CSMD1: variants seen among roughly 807,000 people sequenced by gnomAD.
CSMD1 encodes the protein CUB and Sushi multiple domains 1.
Under a neutral mutation model 417.5 loss-of-function variants are expected in CSMD1, and 213 were observed. That is an observed-to-expected ratio of 0.51 (90% CI 0.46 to 0.57). CSMD1 has a LOEUF of 0.57. CSMD1 is among the 20% of genes least tolerant of loss of function. The pLI is 0.00. For missense variants in CSMD1, 6,923 were observed against 4,529.7 expected (o/e 1.53, Z -15.17); for synonymous variants, 2,862 against 1,736.8 (o/e 1.65, Z -16.11).
intron 18 of CSMD1, among the ~76,000 whole-genome samples, chr8:3,375,858 G>C (rs1810272587): frequency 6.6e-6 from 1 of 152,080 alleles, no homozygotes; most frequent in Non-Finnish European, 1.5e-5. Flanking sequence ...CAATCCTCCA[G>C]ACCTCTTTTT....
chr8:4,312,311 G>T (rs1475711828), intron 3 of CSMD1, among the ~76,000 whole-genome samples: 1 of 150,322 alleles, frequency 6.7e-6, no homozygotes, highest in African/African-American at 2.5e-5. Context: ...TAACACACAT[G>T]ATCATACCTA....
chr8:2,952,324 C>G (rs73499045), intron 65 of CSMD1, among the ~76,000 whole-genome samples: 2 of 152,094 alleles, frequency 1.3e-5, no homozygotes, highest in Non-Finnish European at 2.9e-5. Context: ...ATAATGAGGA[C>G]AAAAGTATAT....
At chr8:3,573,740 A>G (rs1332363414) in intron 10 of CSMD1, among the ~76,000 whole-genome samples, 5 of 152,160 alleles carry the variant, frequency 3.3e-5, no homozygotes, top group African/African-American at 9.7e-5. Flanking sequence ...AAATGAAGAG[A>G]TGATCACTTA....
At chr8:3,636,646 C>T (rs562672854) in intron 7 of CSMD1, among the ~76,000 whole-genome samples, 61 of 152,278 alleles carry the variant, frequency 4.0e-4, no homozygotes, top group Non-Finnish European at 5.6e-4. Context: ...CAAATCATGA[C>T]GCAGAGATGC....
chr8:3,985,614 A>AC (rs1814263843), intron 5 of CSMD1, among the ~76,000 whole-genome samples: 1 of 152,178 alleles, frequency 6.6e-6, no homozygotes, highest in Admixed American at 6.5e-5. Flanking sequence ...CTAGTACAGG[A>AC]AGATCCTTGC....
intron 29 of CSMD1, among the ~76,000 whole-genome samples, chr8:3,215,741 T>G (rs949340831): frequency 6.6e-6 from 1 of 152,166 alleles, no homozygotes; most frequent in Non-Finnish European, 1.5e-5. Context: ...TGAAAAAGTG[T>G]ATAACCCTGC....
intron 4 of CSMD1, among the ~76,000 whole-genome samples, chr8:4,017,032 T>G (rs899355421): frequency 5.3e-5 from 8 of 152,114 alleles, no homozygotes; most frequent in Non-Finnish European, 1.2e-4. Context: ...AAGAGCCACA[T>G]CATAAAGGAA....
intron 9 of CSMD1, 37 bp from the exon 10 acceptor site, chr8:3,575,103 A>T (rs1434609748): frequency 1.2e-6 from 2 of 1,605,176 alleles, no homozygotes; most frequent in African/African-American, 1.3e-5. Flanking sequence ...TTTCTACAAC[A>T]TTGTGTCAGT....
At chr8:4,477,897 G>A (rs528937692) in intron 2 of CSMD1, among the ~76,000 whole-genome samples, 2 of 152,174 alleles carry the variant, frequency 1.3e-5, no homozygotes, top group South Asian at 2.1e-4. Flanking sequence ...ATAACTGGTG[G>A]CAAAACCTGA....
At chr8:4,778,366 C>A (rs1404334366) in intron 1 of CSMD1, among the ~76,000 whole-genome samples, 2 of 152,098 alleles carry the variant, frequency 1.3e-5, no homozygotes, top group East Asian at 3.9e-4. Flanking sequence ...GATTTTTCCA[C>A]AAAACTTGAT....
chr8:3,313,786 T>C (rs934336531), intron 23 of CSMD1, among the ~76,000 whole-genome samples: 4 of 152,196 alleles, frequency 2.6e-5, no homozygotes, highest in Admixed American at 6.5e-5. Context: ...ACTCAAAGGA[T>C]TATAAATCAT....
chr8:3,973,641 G>A (rs543363938), intron 5 of CSMD1, among the ~76,000 whole-genome samples: 4 of 152,238 alleles, frequency 2.6e-5, no homozygotes, highest in Non-Finnish European at 4.4e-5. Context: ...ATTGTCATCT[G>A]TTTACTCCCT....
At chr8:4,752,843 C>A (rs1811419954) in intron 1 of CSMD1, among the ~76,000 whole-genome samples, 1 of 152,252 alleles carries the variant, frequency 6.6e-6, no homozygotes, top group South Asian at 2.1e-4. Flanking sequence ...CCTGAAATAA[C>A]AAGTTGAGGA....
At chr8:3,564,649 T>C (rs1190079812) in intron 10 of CSMD1, among the ~76,000 whole-genome samples, 1 of 64,992 alleles carries the variant, frequency 1.5e-5, no homozygotes, top group Non-Finnish European at 3.2e-5. Context: ...TATTTAGTTC[T>C]GAAAGTTAAG....
chr8:4,582,887 G>A (rs544782884), intron 2 of CSMD1, among the ~76,000 whole-genome samples: 3 of 152,328 alleles, frequency 2.0e-5, no homozygotes, highest in South Asian at 2.1e-4. Context: ...CTGGAGTTCC[G>A]GGTGGGCGTG....
chr8:3,301,697 C>A (rs963699972), intron 25 of CSMD1, among the ~76,000 whole-genome samples: 1 of 152,076 alleles, frequency 6.6e-6, no homozygotes, highest in East Asian at 1.9e-4. Context: ...AAAGATACAC[C>A]TGGAAAGCCG....
intron 6 of CSMD1, among the ~76,000 whole-genome samples, chr8:3,745,991 G>T (rs546569639): frequency 4.1e-4 from 62 of 152,286 alleles, no homozygotes; most frequent in African/African-American, 1.5e-3. Flanking sequence ...GACTTTGGTG[G>T]ACAACTTCCT....
chr8:3,076,452 T>C (rs2129001115), intron 49 of CSMD1, among the ~76,000 whole-genome samples: 1 of 80,630 alleles, frequency 1.2e-5, no homozygotes, highest in Middle Eastern at 4.9e-3. Flanking sequence ...TCTAACGTAC[T>C]TTTTTTGAGG....
chr8:4,811,352 G>A (rs1350185774), intron 1 of CSMD1, among the ~76,000 whole-genome samples: 1 of 152,120 alleles, frequency 6.6e-6, no homozygotes, highest in African/African-American at 2.4e-5. Flanking sequence ...ACTACCTTGA[G>A]TATTGGCCCC....
Sources: allele counts gnomAD v4.1 joint callset (sites outside exome capture counted in the v4.1 genomes callset), GRCh38; gene constraint gnomAD v4.1.1; transcripts MANE v1.5; gene names NCBI Gene and HGNC (gene_info 2026-07-23, HGNC 2026-07-21).